The following SMARCA2 variants were observed in gnomAD, a reference collection of about 807,000 sequenced individuals.
SMARCA2 encodes SWI/SNF-related matrix-associated actin-dependent regulator of chromatin subfamily A member 2.
SMARCA2 carries 61 observed loss-of-function variants against 199.8 expected under a neutral mutation model. The observed-to-expected ratio is 0.31, with a 90% CI of 0.25 to 0.38. SMARCA2 has a LOEUF of 0.38. SMARCA2 is among the 10% of genes least tolerant of loss of function. SMARCA2 has a pLI of 1.00. For missense variants in SMARCA2, 1,344 were observed against 2,012.2 expected, an observed-to-expected ratio of 0.67 and a Z score of 6.35; for synonymous variants, 935 against 732.0, an observed-to-expected ratio of 1.28 and a Z score of -4.48.
intron 10 of SMARCA2, among the ~76,000 whole-genome samples, chr9:2,071,568 G>T (rs1821088484): frequency 6.6e-6 from 1 of 152,142 alleles, no homozygotes; most frequent in South Asian, 2.1e-4. Context: ...ACTGATCTTG[G>T]ACTTGTGACA....
intron 31 of SMARCA2, among the ~76,000 whole-genome samples, chr9:2,183,156 G>T (rs547486197): frequency 6.6e-6 from 1 of 152,162 alleles, no homozygotes; most frequent in Non-Finnish European, 1.5e-5. Flanking sequence ...CTGAAAGGCT[G>T]GCAGTACCAT....
chr9:2,095,168 C>G (rs1167844890), intron 19 of SMARCA2, among the ~76,000 whole-genome samples: 1 of 151,818 alleles, frequency 6.6e-6, no homozygotes, highest in East Asian at 1.9e-4. Flanking sequence ...TCACTGCAAC[C>G]TCCGCCTCCC....
chr9:2,040,827 A>T (rs1819573429), intron 4 of SMARCA2: 1 of 152,256 alleles, frequency 6.6e-6, no homozygotes, highest in Non-Finnish European at 1.5e-5. Flanking sequence ...TTCTGTCTTG[A>T]TCCCATTGAT....
intron 2 of SMARCA2, among the ~76,000 whole-genome samples, chr9:2,031,089 T>G (rs889683334): frequency 4.2e-5 from 6 of 143,198 alleles, no homozygotes; most frequent in Non-Finnish European, 7.4e-5. Flanking sequence ...TATATTGGTG[T>G]TTTTTTTTGG....
chr9:2,107,003 G>C (rs1018037732), intron 23 of SMARCA2, among the ~76,000 whole-genome samples: 2 of 152,110 alleles, frequency 1.3e-5, no homozygotes, highest in Non-Finnish European at 2.9e-5. Context: ...TGTTAGTATT[G>C]AGCACGTTAA....
chr9:2,113,051 A>C (rs575577465), intron 24 of SMARCA2, among the ~76,000 whole-genome samples: 14 of 152,346 alleles, frequency 9.2e-5, no homozygotes, highest in Non-Finnish European at 1.8e-4. Context: ...ATAGCCCCCA[A>C]AATGAAAATT....
In SMARCA2 at chr9:2,047,387, C is replaced by T; in HGVS notation, c.949C>T (p.Pro317Ser). 1 of 1,581,358 alleles carries T rather than the reference C, an allele frequency of 6.3e-7. No individual in the cohort carries two copies. The highest frequency in any genetic ancestry group is 8.6e-7 in the Non-Finnish European group (1 of 1,164,924). The change falls in exon 5 of 34, where the codon CCC (proline) becomes TCC (serine). Residue 317 changes from proline to serine, a missense_variant. Physicochemically the swap from Pro to Ser is moderately conservative, Grantham distance 74 (BLOSUM62 -1). This residue lies in a region of SMARCA2 where 155 missense variants were observed against 260.0 expected (regional missense o/e 0.60). Transcript: ENST00000349721. ...VPQPAPGQPS[P>S]VLQLQQKQSR... ...GCAGCCGGCCCCGGGGCAGCCCTCG[C>T]CCGTCCTCCAGCTGCAGCAGAAGCA...
At chr9:2,152,371 C>T (rs2376302) in intron 27 of SMARCA2, among the ~76,000 whole-genome samples, 116,662 of 151,772 alleles carry the variant, frequency 0.77, 45,013 homozygotes, top group Middle Eastern at 0.82. Flanking sequence ...CTGGCCAACA[C>T]GATGAAAGCC....
chr9:2,036,156 A>C (rs1044317308), intron 3 of SMARCA2, among the ~76,000 whole-genome samples: 1 of 151,930 alleles, frequency 6.6e-6, no homozygotes, highest in Non-Finnish European at 1.5e-5. Context: ...AAACCCTTCA[A>C]AAGCAGGTAT....
chr9:2,113,989 TG>T (rs1823116498), intron 24 of SMARCA2, among the ~76,000 whole-genome samples: 2 of 152,228 alleles, frequency 1.3e-5, no homozygotes, highest in Non-Finnish European at 2.9e-5. Context: ...GTTCAATTTT[TG>T]CTTCTGGGCC....
At chr9:2,029,899 A>G (rs531452573) in intron 2 of SMARCA2, among the ~76,000 whole-genome samples, 6 of 152,342 alleles carry the variant, frequency 3.9e-5, no homozygotes, top group African/African-American at 1.4e-4. Flanking sequence ...TGTGGGGATG[A>G]TCATATCTGT....
intron 24 of SMARCA2, among the ~76,000 whole-genome samples, chr9:2,111,507 A>G (rs1392785938): frequency 1.3e-5 from 2 of 150,286 alleles, no homozygotes; most frequent in Non-Finnish European, 2.9e-5. Context: ...AAAAAAAAAA[A>G]AAAGAAAAGC....
intron 4 of SMARCA2, chr9:2,042,635 A>G (rs2130264881): frequency 6.6e-6 from 1 of 151,734 alleles, no homozygotes; most frequent in East Asian, 1.9e-4. Flanking sequence ...CCTTTTCTGG[A>G]TCATTTTCAG....
chr9:2,083,458 T>C (rs756818397), intron 16 of SMARCA2, 45 bp downstream of exon 16: 3 of 1,250,746 alleles, frequency 2.4e-6, no homozygotes, highest in Non-Finnish European at 2.3e-6. Flanking sequence ...AAGCAAAAAA[T>C]AGACCCTATT....
chr9:2,043,329 C>T (rs1268438301), intron 4 of SMARCA2: 3 of 152,192 alleles, frequency 2.0e-5, no homozygotes, highest in African/African-American at 7.2e-5. Flanking sequence ...CCATGGAACA[C>T]ATAACTCTGC....
intron 32 of SMARCA2, among the ~76,000 whole-genome samples, chr9:2,188,274 A>T (rs1563844433): frequency 6.6e-6 from 1 of 152,172 alleles, no homozygotes; most frequent in African/African-American, 2.4e-5. Flanking sequence ...CTGTTTCCCA[A>T]TAATGCTGTC....
chr9:2,029,708 G>T (rs956717331), intron 2 of SMARCA2, among the ~76,000 whole-genome samples: 2 of 152,184 alleles, frequency 1.3e-5, no homozygotes, highest in Non-Finnish European at 2.9e-5. Flanking sequence ...TTTTTGGAAA[G>T]GGCTTTATTG....
At chr9:2,100,140 T>C (rs181246792) in intron 21 of SMARCA2, among the ~76,000 whole-genome samples, 55 of 152,332 alleles carry the variant, frequency 3.6e-4, no homozygotes, top group Non-Finnish European at 6.8e-4. Context: ...CGGTGGCTGA[T>C]GTGAAGGTGT....
chr9:2,155,473 G>A (rs367854597), intron 27 of SMARCA2, among the ~76,000 whole-genome samples: 54 of 152,124 alleles, frequency 3.5e-4, no homozygotes, highest in South Asian at 1.0e-3. Flanking sequence ...AGTAGAGATG[G>A]TGTTTCACCA....
Sources: allele counts gnomAD v4.1 joint callset (sites outside exome capture counted in the v4.1 genomes callset), GRCh38; gene constraint gnomAD v4.1.1; regional missense constraint gnomAD v4.1.1; transcripts MANE v1.5; gene names NCBI Gene and HGNC (gene_info 2026-07-23, HGNC 2026-07-21).